Variants in ZNF618 observed in about 807,000 individuals in gnomAD.
ZNF618 encodes zinc finger protein 618.
Under a neutral mutation model 103.0 loss-of-function variants are expected in ZNF618, and 34 were observed. The observed-to-expected ratio is 0.33, with a 90% CI of 0.25 to 0.44. The LOEUF (loss-of-function observed/expected upper bound fraction) is 0.44. Among genes scored for constraint, ZNF618 ranks in the 20% least tolerant of loss-of-function variants. The pLI, the probability that ZNF618 is intolerant of heterozygous loss-of-function variation, is 1.00. For synonymous variants in ZNF618, 551 were observed against 542.2 expected, an observed-to-expected ratio of 1.02 and a Z score of -0.23; for missense variants, 1,059 against 1,295.4, an observed-to-expected ratio of 0.82 and a Z score of 2.80.
intron 1 of ZNF618, among the ~76,000 whole-genome samples, chr9:113,966,570 G>A (rs754483726): frequency 1.2e-4 from 19 of 152,208 alleles, no homozygotes; most frequent in Non-Finnish European, 2.8e-4. Context: ...TGGCGTGTAT[G>A]GAACTCCACC....
In ZNF618 at chr9:113,998,278, C is replaced by G; in HGVS notation, c.357C>G (p.Gly119=). ...ATTCAGATGGAAAAGCGCCCGAAGG[C>G]AGCCCCCACGGTGGATCTGTGCGAA... ...QQTLDGKAPE[G]SPHGGSVRSR... Residue 119 remains glycine, a synonymous_variant, in exon 4 of 15, where the codon GGC becomes GGG. Coordinates refer to ENST00000374126, the MANE Select transcript of ZNF618 (RefSeq NM_001318042.2). The G allele has an allele frequency of 6.4e-7, 1 of 1,550,606 alleles. No homozygotes were observed. Among genetic ancestry groups the G allele is most frequent in the Non-Finnish European group, 8.7e-7 (1 of 1,146,992 alleles).
At chr9:113,898,284 ACT>A (rs1466265870) in intron 1 of ZNF618, among the ~76,000 whole-genome samples, 3 of 151,590 alleles carry the variant, frequency 2.0e-5, no homozygotes, top group Non-Finnish European at 2.9e-5. Flanking sequence ...ATGATGCTTA[ACT>A]CTATTTTTGT....
chr9:113,995,202 A>G (rs574149059), intron 3 of ZNF618, among the ~76,000 whole-genome samples: 1 of 152,038 alleles, frequency 6.6e-6, no homozygotes, highest in Non-Finnish European at 1.5e-5. Flanking sequence ...TTTCACACTC[A>G]TCACCATAAC....
intron 2 of ZNF618, among the ~76,000 whole-genome samples, chr9:113,974,685 A>G (rs1343438636): frequency 6.6e-6 from 1 of 152,026 alleles, no homozygotes; most frequent in Non-Finnish European, 1.5e-5. Flanking sequence ...TGTTTCTTGG[A>G]TGGCCCCAGA....
chr9:113,969,214 G>C, intron 2 of ZNF618, 54 bp downstream of exon 2: 1 of 1,604,972 alleles, frequency 6.2e-7, no homozygotes, highest in Non-Finnish European at 8.5e-7. Flanking sequence ...AGGTCTTCAT[G>C]ACTAACAGTT....
At chr9:113,953,900 G>A (rs951637933) in intron 1 of ZNF618, among the ~76,000 whole-genome samples, 1 of 152,124 alleles carries the variant, frequency 6.6e-6, no homozygotes, top group Non-Finnish European at 1.5e-5. Context: ...GCAGCCAGTT[G>A]ATCAATATCT....
chr9:114,002,232 G>A (rs1841295281), intron 5 of ZNF618, among the ~76,000 whole-genome samples, 159 bp downstream of exon 5: 1 of 152,182 alleles, frequency 6.6e-6, no homozygotes, highest in Non-Finnish European at 1.5e-5. Context: ...TGCCAGGCAG[G>A]AGAAGGGAGG....
At chr9:114,039,340 G>GTTT (rs968810244) in intron 13 of ZNF618, among the ~76,000 whole-genome samples, 41 of 104,758 alleles carry the variant, frequency 3.9e-4, no homozygotes, top group African/African-American at 1.3e-3. Context: ...TTTCTTGTTT[G>GTTT]TTTTTTTTTT....
At chr9:113,995,546 A>C (rs1323764366) in intron 3 of ZNF618, among the ~76,000 whole-genome samples, 1 of 152,228 alleles carries the variant, frequency 6.6e-6, no homozygotes, top group Non-Finnish European at 1.5e-5. Flanking sequence ...AAGCTCAGTC[A>C]CATATGTAAG....
intron 3 of ZNF618, among the ~76,000 whole-genome samples, chr9:113,995,636 A>G (rs888033440): frequency 6.6e-6 from 1 of 152,198 alleles, no homozygotes; most frequent in Non-Finnish European, 1.5e-5. Flanking sequence ...GCCAGAAATC[A>G]CACAGGGGTC....
chr9:114,016,133 A>G, intron 9 of ZNF618: 7 of 1,613,436 alleles, frequency 4.3e-6, no homozygotes, highest in Non-Finnish European at 5.9e-6. Context: ...TACATCAGAC[A>G]TTTTTAAGAA....
chr9:113,955,870 A>G (rs1836234400), intron 1 of ZNF618, among the ~76,000 whole-genome samples: 1 of 151,990 alleles, frequency 6.6e-6, no homozygotes, highest in South Asian at 2.1e-4. Flanking sequence ...CTATGTGGGA[A>G]TAGGTTTGCA....
rs1016530308 is a variant in ZNF618 at position 114,051,346 on chromosome 9, G to A, written c.*1179G>A. On this transcript the variant is annotated 3_prime_UTR_variant, in exon 15 of 15. Transcript: ENST00000374126. ...TGCTATTTGGAGACCAGGCGTTGGG[G>A]AGGATTCACGGGTTCCACAGCTGCG... 1 of 152,666 alleles carries A rather than the reference G, an allele frequency of 6.6e-6. No homozygotes were observed. The highest frequency in any genetic ancestry group is 2.4e-5 in the African/African-American group (1 of 41,420). 9.5% of individuals were successfully genotyped at this position (152,666 alleles called of 1,614,324 possible).
intron 1 of ZNF618, among the ~76,000 whole-genome samples, chr9:113,895,725 T>G (rs1468006081): frequency 2.0e-5 from 3 of 152,054 alleles, no homozygotes; most frequent in Non-Finnish European, 4.4e-5. Flanking sequence ...GAAATGAGGG[T>G]TTAAGTGTGC....
chr9:113,881,341 T>C (rs1828494952), intron 1 of ZNF618, among the ~76,000 whole-genome samples: 2 of 152,170 alleles, frequency 1.3e-5, no homozygotes, highest in Non-Finnish European at 2.9e-5. Flanking sequence ...TCAGCGCTAA[T>C]AGAAATATAA....
intron 1 of ZNF618, among the ~76,000 whole-genome samples, chr9:113,968,350 C>A (rs999698026): frequency 1.3e-5 from 2 of 152,136 alleles, no homozygotes; most frequent in Non-Finnish European, 2.9e-5. Flanking sequence ...GAATTTCAGA[C>A]CTGTATTATC....
chr9:113,984,297 A>C (rs1839252284), intron 2 of ZNF618, among the ~76,000 whole-genome samples: 1 of 152,192 alleles, frequency 6.6e-6, no homozygotes, highest in Non-Finnish European at 1.5e-5. Context: ...TGCCTCAAGC[A>C]AGCCAGGAAG....
chr9:114,033,965 C>A (rs577634044), intron 12 of ZNF618, among the ~76,000 whole-genome samples: 1 of 152,134 alleles, frequency 6.6e-6, no homozygotes, highest in East Asian at 1.9e-4. Context: ...AGCTCCACTT[C>A]GGGCTGTTAC....
rs1329489322 is a variant in ZNF618 at position 113,876,361 on chromosome 9, G to A, written c.-20G>A. Reference sequence around the variant, plus strand: ...GGGAGGAGCAGGACGCGCCGGGGCCGCCTCCTCCCGCACGGACCCATGAAC... The same window carrying A: ...GGGAGGAGCAGGACGCGCCGGGGCCACCTCCTCCCGCACGGACCCATGAAC... On this transcript the variant is annotated 5_prime_UTR_variant, in exon 1 of 15. Transcript: ENST00000374126. The A allele has an allele frequency of 3.4e-6, 4 of 1,191,940 alleles. No homozygotes were observed. Among genetic ancestry groups the A allele is most frequent in the Non-Finnish European group, 4.1e-6 (4 of 965,178 alleles). 73.8% of individuals were successfully genotyped at this position (1,191,940 alleles called of 1,614,324 possible). A position where few individuals can be genotyped will look rare whatever the true frequency, so the allele number is the denominator to read the frequency against.
Sources: allele counts gnomAD v4.1 joint callset (sites outside exome capture counted in the v4.1 genomes callset), GRCh38; gene constraint gnomAD v4.1.1; transcripts MANE v1.5; gene names NCBI Gene and HGNC (gene_info 2026-07-23, HGNC 2026-07-21).